KIF21A: variants seen among roughly 807,000 people sequenced by gnomAD.
KIF21A encodes the protein kinesin family member 21A, also known as kinesin-like protein KIF21A.
KIF21A carries 114 observed loss-of-function variants against 202.9 expected under a neutral mutation model. The observed-to-expected ratio is 0.56, with a 90% CI of 0.48 to 0.66. The LOEUF is 0.66. Ranked by LOEUF, KIF21A falls within the 30% of genes least tolerant of loss-of-function variation. KIF21A has a pLI of 0.00. For synonymous variants in KIF21A, 667 were observed against 670.8 expected, an observed-to-expected ratio of 0.99 and a Z score of 0.09; for missense variants, 1,677 against 1,994.9, an observed-to-expected ratio of 0.84 and a Z score of 3.04.
chr12:39,416,749 GTACATATATATGTGTA>G (rs1953731170), intron 1 of KIF21A, among the ~76,000 whole-genome samples: 2 of 119,374 alleles, frequency 1.7e-5, no homozygotes, highest in African/African-American at 3.5e-5. Context: ...ATATATATAT[GTACATATATATGTGTA>G]TATATATATG....
chr12:39,426,143 T>A (rs976846135), intron 1 of KIF21A, among the ~76,000 whole-genome samples: 38 of 152,074 alleles, frequency 2.5e-4, no homozygotes, highest in African/African-American at 8.7e-4. Context: ...CGAAAAAAAA[T>A]AAGCAGTTAA....
chr12:39,320,817 C>T (rs933244198), intron 27 of KIF21A, among the ~76,000 whole-genome samples: 1 of 151,004 alleles, frequency 6.6e-6, no homozygotes, highest in African/African-American at 2.4e-5. Flanking sequence ...CACCTGTAAT[C>T]CCAGCTACTT....
At chr12:39,360,524 T>C (rs1164900066) in intron 7 of KIF21A, among the ~76,000 whole-genome samples, 2 of 151,934 alleles carry the variant, frequency 1.3e-5, no homozygotes, top group East Asian at 3.9e-4. Flanking sequence ...CAAGTAGCTG[T>C]GACTACAGGT....
intron 26 of KIF21A, among the ~76,000 whole-genome samples, chr12:39,324,956 A>G (rs1434441661): frequency 1.3e-5 from 2 of 152,220 alleles, no homozygotes; most frequent in Non-Finnish European, 2.9e-5. Flanking sequence ...CAAATCACCT[A>G]CTATCAAATG....
intron 1 of KIF21A, among the ~76,000 whole-genome samples, chr12:39,388,394 A>G (rs1245460661): frequency 1.3e-5 from 2 of 152,164 alleles, no homozygotes; most frequent in East Asian, 3.9e-4. Context: ...ACCATGACCA[A>G]ATAAATCTCT....
At chr12:39,313,908 T>C (rs185917090) in intron 31 of KIF21A, among the ~76,000 whole-genome samples, 2 of 151,596 alleles carry the variant, frequency 1.3e-5, no homozygotes, top group South Asian at 4.2e-4. Flanking sequence ...GAATGAAGGA[T>C]CTGTAGACTA....
At chr12:39,440,598 G>T (rs115588825) in intron 1 of KIF21A, among the ~76,000 whole-genome samples, 60 of 152,166 alleles carry the variant, frequency 3.9e-4, no homozygotes, top group African/African-American at 1.4e-3. Flanking sequence ...AATAAATAAT[G>T]GTTATAAATG....
At chr12:39,430,032 T>C (rs993533663) in intron 1 of KIF21A, among the ~76,000 whole-genome samples, 17 of 152,068 alleles carry the variant, frequency 1.1e-4, no homozygotes, top group African/African-American at 3.9e-4. Context: ...TCCGAAATTC[T>C]GAACTCAAAT....
chr12:39,310,382 A>G (rs1403238071), intron 32 of KIF21A, among the ~76,000 whole-genome samples: 1 of 152,014 alleles, frequency 6.6e-6, no homozygotes, highest in African/African-American at 2.4e-5. Context: ...CTCTCAATTC[A>G]TAAGTTCTAG....
chr12:39,428,327 TA>T (rs990055199), intron 1 of KIF21A, among the ~76,000 whole-genome samples: 14 of 152,332 alleles, frequency 9.2e-5, no homozygotes, highest in African/African-American at 3.1e-4. Flanking sequence ...AGGTTTGTCT[TA>T]AAAAGTGAAG....
chr12:39,357,908 C>CAAAAAAAAAAAAAAAAAAA (rs56035929), intron 8 of KIF21A, among the ~76,000 whole-genome samples: 10 of 36,706 alleles, frequency 2.7e-4, no homozygotes, highest in Admixed American at 4.4e-4. Flanking sequence ...GACTCCATCT[C>CAAAAAAAAAAAAAAAAAAA]AAAAAAAAAA....
rs77607163 is a variant in KIF21A at position 39,397,530 on chromosome 12, G to A, written c.45-27269C>T. Among the ~76,000 whole-genome samples, 162 of 151,996 alleles carry A rather than the reference G, an allele frequency of 1.1e-3. 2 individuals carry two copies. The East Asian group carries it at 0.029, about 27-fold the overall frequency. On this transcript the variant is annotated intron_variant, in intron 1 of 37. Transcript: ENST00000361418. ...ATTATGTAATTAACTTATTTAATAT[G>A]TGATTGCTCTTTTCTCTGCAGCGAC... is the stretch of plus-strand genomic sequence containing the variant.
chr12:39,364,966 A>G (rs1949498715), intron 6 of KIF21A, among the ~76,000 whole-genome samples: 1 of 152,164 alleles, frequency 6.6e-6, no homozygotes, highest in South Asian at 2.1e-4. Flanking sequence ...AATTGCTCCT[A>G]TGGATAAGAT....
intron 1 of KIF21A, among the ~76,000 whole-genome samples, chr12:39,372,013 G>A: frequency 6.7e-6 from 1 of 149,308 alleles, no homozygotes. Context: ...TGGTCTCATA[G>A]CCTTATTTTG....
At chr12:39,329,929 ATAT>A (rs1404104808) in intron 24 of KIF21A, 15 of 267,190 alleles carry the variant, frequency 5.6e-5, no homozygotes, top group African/African-American at 2.4e-4. Flanking sequence ...CGGAACATAA[ATAT>A]TATGTTTTTC....
intron 37 of KIF21A, among the ~76,000 whole-genome samples, chr12:39,295,692 GTTT>G (rs1054983568): frequency 0.025 from 1,924 of 77,988 alleles, 14 homozygotes; most frequent in African/African-American, 0.088. Flanking sequence ...CTTGGGATAT[GTTT>G]TTTTTTTTTT....
At chr12:39,379,733 C>T (rs987827743) in intron 1 of KIF21A, among the ~76,000 whole-genome samples, 3 of 152,166 alleles carry the variant, frequency 2.0e-5, no homozygotes, top group African/African-American at 7.2e-5. Flanking sequence ...CTCTGTCCCT[C>T]TCCCAAAGGC....
intron 1 of KIF21A, among the ~76,000 whole-genome samples, chr12:39,394,382 T>A (rs1400451479): frequency 1.3e-5 from 2 of 152,240 alleles, no homozygotes; most frequent in African/African-American, 2.4e-5. Context: ...TTGGCAAACG[T>A]CTTTATAAAT....
chr12:39,305,460 T>C (rs934431767), intron 34 of KIF21A, among the ~76,000 whole-genome samples: 3 of 151,316 alleles, frequency 2.0e-5, no homozygotes, highest in Admixed American at 1.3e-4. Flanking sequence ...CATGGCACAC[T>C]GCAGTCTCAA....
Sources: allele counts gnomAD v4.1 joint callset (sites outside exome capture counted in the v4.1 genomes callset), GRCh38; gene constraint gnomAD v4.1.1; transcripts MANE v1.5; gene names NCBI Gene and HGNC (gene_info 2026-07-23, HGNC 2026-07-21).